PCDHGA1: variants seen among roughly 807,000 people sequenced by gnomAD.
PCDHGA1 encodes protocadherin gamma-A1.
Under a neutral mutation model 58.0 loss-of-function variants are expected in PCDHGA1, and 32 were observed. That is an observed-to-expected ratio of 0.55 (90% CI 0.42 to 0.74). PCDHGA1 has a LOEUF of 0.74. PCDHGA1 is among the 30% of genes least tolerant of loss of function. PCDHGA1 has a pLI of 0.00. For synonymous variants in PCDHGA1, 498 were observed against 501.1 expected (o/e 0.99, Z 0.08); for missense variants, 1,205 against 1,182.3 (o/e 1.02, Z -0.28).
chr5:141,361,717 T>G, intron 1 of PCDHGA1: 1 of 1,613,366 alleles, frequency 6.2e-7, no homozygotes, highest in Admixed American at 1.7e-5. Context: ...GCTGCGCGCC[T>G]TCGAGCTCAC....
intron 1 of PCDHGA1, chr5:141,346,074 T>C: frequency 3.1e-6 from 5 of 1,613,498 alleles, no homozygotes; most frequent in Non-Finnish European, 4.2e-6. Context: ...CCTCGAGCCC[T>C]CCGCCAAACC....
At chr5:141,413,128 CA>C in intron 1 of PCDHGA1, 1 of 1,534,686 alleles carries the variant, frequency 6.5e-7, no homozygotes, top group Non-Finnish European at 8.8e-7. Flanking sequence ...GGTTGAAACA[CA>C]CAACGTGTCC....
intron 1 of PCDHGA1, chr5:141,417,710 T>C: frequency 8.0e-7 from 1 of 1,249,348 alleles, no homozygotes; most frequent in Non-Finnish European, 1.1e-6. Context: ...ACACAGAGGC[T>C]CCCGGCTGCG....
chr5:141,375,314 G>A, intron 1 of PCDHGA1: 1 of 1,613,798 alleles, frequency 6.2e-7, no homozygotes, highest in South Asian at 1.1e-5. Flanking sequence ...TGCAGCTCTA[G>A]ACCGGGAAGA....
In PCDHGA1 at chr5:141,415,740, GTTTTTTTTTT is replaced by G. The variant is rs57426385; in HGVS notation, c.2422-79044_2422-79035del. The G allele has an allele frequency of 4.3e-3, 2,655 of 623,934 alleles. 2 individuals carry two copies. The highest frequency in any genetic ancestry group is 4.3e-3 in the Non-Finnish European group (2,016 of 468,394). The allele number at this position is 623,934 out of a possible 1,614,324, so 38.6% of individuals were successfully genotyped here. ...TGAGTAGAATTTGATGTTTATTAAG[GTTTTTTTTTT>G]TTTTTTTTTTTTTTTTTTTTTTACT... On this transcript the variant is annotated intron_variant, in intron 1 of 3. Coordinates refer to ENST00000517417, the MANE Select transcript of PCDHGA1 (RefSeq NM_018912.3).
chr5:141,501,945 T>C (rs1318749969), intron 2 of PCDHGA1, among the ~76,000 whole-genome samples: 1 of 152,106 alleles, frequency 6.6e-6, no homozygotes, highest in Non-Finnish European at 1.5e-5. Context: ...CACTGCTCCC[T>C]GTGACAGGTC....
In PCDHGA1 at chr5:141,477,017, A is replaced by G; in HGVS notation, c.2422-17790A>G. 2 of 1,614,220 alleles carry G rather than the reference A, an allele frequency of 1.2e-6. No homozygotes were observed. The highest frequency in any genetic ancestry group is 2.2e-5 in the East Asian group (1 of 44,868). ...GCAACTATTCGCCTTAGACCTTGTA[A>G]CCGGGATGCTGACAATCAAGGGTCG... On this transcript the variant is annotated intron_variant, in intron 1 of 3. Coordinates refer to ENST00000517417, the MANE Select transcript of PCDHGA1 (RefSeq NM_018912.3). This position sits in a 1 kb window ranked among gnomAD's most constrained non-coding sequence, Gnocchi z 4.9.
At chr5:141,396,682 C>T (rs1387269894) in intron 1 of PCDHGA1, 1 of 151,688 alleles carries the variant, frequency 6.6e-6, no homozygotes, top group Non-Finnish European at 1.5e-5. Context: ...TATTGTATTC[C>T]TGCATACCTT....
intron 1 of PCDHGA1, chr5:141,345,115 C>T: frequency 6.2e-7 from 1 of 1,613,908 alleles, no homozygotes; most frequent in South Asian, 1.1e-5. Context: ...GAAGAGGGCA[C>T]CGTTGGAAGA....
chr5:141,494,400 C>A (rs2099754045), intron 1 of PCDHGA1, among the ~76,000 whole-genome samples: 1 of 152,158 alleles, frequency 6.6e-6, no homozygotes, highest in African/African-American at 2.4e-5. Flanking sequence ...TAAATTCATT[C>A]TAGGGCTGGT....
At chr5:141,471,302 C>T (rs111827070) in intron 1 of PCDHGA1, 9,302 of 152,168 alleles carry the variant, frequency 0.061, 339 homozygotes, top group South Asian at 0.12. Flanking sequence ...CCACCCAACT[C>T]GGCCTCCCAA....
intron 1 of PCDHGA1, chr5:141,351,576 C>G: frequency 6.2e-7 from 1 of 1,614,056 alleles, no homozygotes; most frequent in Non-Finnish European, 8.5e-7. Context: ...CTGCACATCT[C>G]CGACATCAAC....
intron 1 of PCDHGA1, chr5:141,409,804 C>T (rs766279863): frequency 6.2e-7 from 1 of 1,611,772 alleles, no homozygotes; most frequent in South Asian, 1.1e-5. Context: ...CGCTGCAGGC[C>T]CGCGACCACG....
chr5:141,362,442 C>T (rs1762499161), intron 1 of PCDHGA1: 1 of 1,614,062 alleles, frequency 6.2e-7, no homozygotes, highest in South Asian at 1.1e-5. Flanking sequence ...ATTTTCTGAA[C>T]ATAACCCCGG....
intron 1 of PCDHGA1, among the ~76,000 whole-genome samples, chr5:141,454,357 TAGAA>T (rs758087339): frequency 3.5e-4 from 54 of 152,354 alleles, no homozygotes; most frequent in Non-Finnish European, 6.3e-4. Context: ...GATCCAAACT[TAGAA>T]AGGAGTATGG....
At chr5:141,387,637 G>A (rs1397986235) in intron 1 of PCDHGA1, 14 of 603,144 alleles carry the variant, frequency 2.3e-5, no homozygotes, top group Non-Finnish European at 3.7e-5. Context: ...GGGCGCCGCT[G>A]TTGGCCAAAG....
intron 1 of PCDHGA1, among the ~76,000 whole-genome samples, chr5:141,346,785 T>C (rs905887302): frequency 1.9e-4 from 29 of 152,244 alleles, no homozygotes; most frequent in African/African-American, 6.8e-4. Flanking sequence ...CTTGAGTAAC[T>C]ATGATGAGAG....
At chr5:141,456,312 G>A (rs1036961015) in intron 1 of PCDHGA1, among the ~76,000 whole-genome samples, 2 of 152,126 alleles carry the variant, frequency 1.3e-5, no homozygotes, top group African/African-American at 4.8e-5. Flanking sequence ...AGCAGCTAGG[G>A]CTCCTCCTGG....
chr5:141,421,043 C>G (rs1201118615), intron 1 of PCDHGA1: 2 of 548,238 alleles, frequency 3.6e-6, no homozygotes, highest in Non-Finnish European at 6.3e-6. Flanking sequence ...CCTCCCTCCC[C>G]CGCCTCTACC....
Sources: gnomAD v4.1 joint callset for allele counts (sites outside exome capture counted in the v4.1 genomes callset) on GRCh38, gnomAD v4.1.1 for gene constraint, Gnocchi (gnomAD v3.1) non-coding constraint, MANE v1.5 for transcripts, NCBI Gene and HGNC (gene_info 2026-07-23, HGNC 2026-07-21) for gene names.